Variants in TCF7L2 observed in about 807,000 individuals in gnomAD.
TCF7L2 encodes transcription factor 7-like 2.
In TCF7L2, 23 loss-of-function variants were observed where a neutral mutation model predicts 77.9. That is an observed-to-expected ratio of 0.30 (90% CI 0.21 to 0.42). The LOEUF (loss-of-function observed/expected upper bound fraction) is 0.42, where lower values mean the gene tolerates loss of function less well. Ranked by LOEUF, TCF7L2 falls within the 10% of genes least tolerant of loss-of-function variation. The probability of loss-of-function intolerance (pLI) is 1.00; values close to 1 mark genes in which losing one functional copy is unlikely to be tolerated. For missense variants in TCF7L2, 654 were observed against 793.1 expected (o/e 0.82, Z 2.11); for synonymous variants, 413 against 340.2 (o/e 1.21, Z -2.36).
intron 13 of TCF7L2, among the ~76,000 whole-genome samples, chr10:113,163,722 G>C (rs2073569129): frequency 6.6e-6 from 1 of 152,050 alleles, no homozygotes; most frequent in Non-Finnish European, 1.5e-5. Context: ...TGCTCCCCTA[G>C]AGTTCCTTCT....
chr10:113,075,471 G>GAAAAT (rs386372477), intron 5 of TCF7L2, among the ~76,000 whole-genome samples: 2 of 139,364 alleles, frequency 1.4e-5, no homozygotes, highest in Non-Finnish European at 3.1e-5. Flanking sequence ...AAAAAAAAAA[G>GAAAAT]AAAAAAGAAA....
chr10:112,951,709 T>G (rs1049466012), intron 3 of TCF7L2, 102 bp downstream of exon 3: 33 of 364,314 alleles, frequency 9.1e-5, no homozygotes, highest in African/African-American at 1.3e-4. Flanking sequence ...CGCCTCCCCC[T>G]CCCCGCCTCC....
At chr10:113,097,778 G>A (rs920897446) in intron 5 of TCF7L2, among the ~76,000 whole-genome samples, 6 of 150,596 alleles carry the variant, frequency 4.0e-5, no homozygotes, top group Non-Finnish European at 5.9e-5. Context: ...ATGGCCAGAC[G>A]CAGTGGCTCA....
At chr10:112,965,713 GCT>G (rs1411841228) in intron 4 of TCF7L2, among the ~76,000 whole-genome samples, 1 of 145,792 alleles carries the variant, frequency 6.9e-6, no homozygotes, top group Non-Finnish European at 1.5e-5. Context: ...CATCTTTGTA[GCT>G]CTGTCATCTC....
chr10:113,038,881 T>A (rs1391956845), intron 4 of TCF7L2, among the ~76,000 whole-genome samples: 1 of 152,176 alleles, frequency 6.6e-6, no homozygotes. Context: ...CAGTGTTCAT[T>A]GAGTAAAGTT....
chr10:112,988,495 G>T (rs1035300644), intron 4 of TCF7L2, among the ~76,000 whole-genome samples: 3 of 152,108 alleles, frequency 2.0e-5, no homozygotes, highest in Admixed American at 1.3e-4. Context: ...GAATAGTGTG[G>T]GTCACTCTCT....
At chr10:113,122,893 T>C (rs1401559821) in intron 5 of TCF7L2, among the ~76,000 whole-genome samples, 5 of 152,184 alleles carry the variant, frequency 3.3e-5, no homozygotes, top group South Asian at 2.1e-4. Context: ...GAAACCCCTA[T>C]TGAAAGAAGC....
chr10:113,083,055 C>T (rs2059466655), intron 5 of TCF7L2, among the ~76,000 whole-genome samples: 1 of 152,012 alleles, frequency 6.6e-6, no homozygotes, highest in Admixed American at 6.6e-5. Flanking sequence ...TTGTCTTTTT[C>T]TCAGGTGAGG....
intron 2 of TCF7L2, 59 bp downstream of exon 2, chr10:112,951,332 C>T: frequency 1.0e-6 from 1 of 991,694 alleles, no homozygotes; most frequent in Non-Finnish European, 1.2e-6. Context: ...CCGGCCGCCC[C>T]GCGCGCCCCG....
At chr10:113,041,352 C>T (rs1396830003) in intron 5 of TCF7L2, among the ~76,000 whole-genome samples, 2 of 152,218 alleles carry the variant, frequency 1.3e-5, no homozygotes, top group Non-Finnish European at 2.9e-5. Flanking sequence ...ATTACATCTG[C>T]TCCTATAAGG....
intron 4 of TCF7L2, among the ~76,000 whole-genome samples, chr10:113,028,110 T>C (rs2049531056): frequency 1.3e-5 from 2 of 152,264 alleles, no homozygotes; most frequent in South Asian, 2.1e-4. Context: ...ACCTCCCAGA[T>C]GAAGGCTTGT....
intron 5 of TCF7L2, among the ~76,000 whole-genome samples, chr10:113,042,475 G>T (rs1432185129): frequency 6.6e-6 from 1 of 152,174 alleles, no homozygotes; most frequent in East Asian, 1.9e-4. Context: ...GAAAAGCCAT[G>T]AATTTGGACA....
intron 5 of TCF7L2, among the ~76,000 whole-genome samples, chr10:113,118,152 A>G (rs540100191): frequency 6.6e-6 from 1 of 152,206 alleles, no homozygotes; most frequent in East Asian, 1.9e-4. Flanking sequence ...TGGCCAGGGG[A>G]GAACCCTTGA....
chr10:113,094,659 G>A (rs2060751638), intron 5 of TCF7L2, among the ~76,000 whole-genome samples: 1 of 152,108 alleles, frequency 6.6e-6, no homozygotes, highest in African/African-American at 2.4e-5. Flanking sequence ...AAAAATCGTA[G>A]GTGGGATCAT....
At chr10:113,089,454 T>C in intron 5 of TCF7L2, 1 of 1,613,684 alleles carries the variant, frequency 6.2e-7, no homozygotes, top group Non-Finnish European at 8.5e-7. Context: ...CTACCCCCCC[T>C]CAGACTTCAC....
At chr10:113,063,674 T>G (rs1436133792) in intron 5 of TCF7L2, among the ~76,000 whole-genome samples, 3 of 152,124 alleles carry the variant, frequency 2.0e-5, no homozygotes, top group Non-Finnish European at 2.9e-5. Context: ...GGCATGCTTC[T>G]GTTGAAACCC....
intron 3 of TCF7L2, among the ~76,000 whole-genome samples, chr10:112,954,104 T>A (rs371811342): frequency 7.9e-5 from 12 of 152,344 alleles, no homozygotes; most frequent in Admixed American, 7.8e-4. Context: ...CCAGATTTGA[T>A]ACAGCTGCGG....
chr10:113,132,686 A>G (rs2066782471), intron 5 of TCF7L2, among the ~76,000 whole-genome samples: 2 of 152,176 alleles, frequency 1.3e-5, no homozygotes, highest in African/African-American at 4.8e-5. Context: ...GTACTCTCTT[A>G]CCCAATTCCC....
At chr10:112,994,054 CAAA>C (rs762753537) in intron 4 of TCF7L2, among the ~76,000 whole-genome samples, 3 of 111,648 alleles carry the variant, frequency 2.7e-5, no homozygotes, top group Non-Finnish European at 1.9e-5. Context: ...GACTCTGTCT[CAAA>C]AAAAAAAAAA....
Sources: allele counts gnomAD v4.1 joint callset (sites outside exome capture counted in the v4.1 genomes callset), GRCh38; gene constraint gnomAD v4.1.1; transcripts MANE v1.5; gene names NCBI Gene and HGNC (gene_info 2026-07-23, HGNC 2026-07-21).